The following ADAM12 variants were observed in gnomAD, a reference collection of about 807,000 sequenced individuals.
ADAM12 encodes the protein ADAM metallopeptidase domain 12.
In ADAM12, 70 loss-of-function variants were observed where a neutral mutation model predicts 106.4. That is an observed-to-expected ratio of 0.66 (90% CI 0.54 to 0.80). The LOEUF is 0.80. Among genes scored for constraint, ADAM12 ranks in the 30% least tolerant of loss-of-function variants. The pLI is 0.00. For synonymous variants in ADAM12, 420 were observed against 433.5 expected, an observed-to-expected ratio of 0.97 and a Z score of 0.39; for missense variants, 1,010 against 1,171.9, an observed-to-expected ratio of 0.86 and a Z score of 2.02.
chr10:126,178,290 G>C (rs7912406), intron 3 of ADAM12, among the ~76,000 whole-genome samples: 3,221 of 151,704 alleles, frequency 0.021, 124 homozygotes, highest in African/African-American at 0.074. Context: ...TGTTCTTCAA[G>C]TCACATTTTT....
intron 8 of ADAM12, among the ~76,000 whole-genome samples, chr10:126,103,593 A>G (rs1275457201): frequency 6.6e-6 from 1 of 152,232 alleles, no homozygotes; most frequent in Admixed American, 6.5e-5. Context: ...CAGGCCAGCT[A>G]ACCCTGACGC....
chr10:126,320,681 CT>C (rs2133833652), intron 2 of ADAM12, among the ~76,000 whole-genome samples: 1 of 152,294 alleles, frequency 6.6e-6, no homozygotes, highest in Non-Finnish European at 1.5e-5. Flanking sequence ...CATTAAATCT[CT>C]TGGGAAGATA....
chr10:126,366,832 A>G (rs1855929657), intron 1 of ADAM12, among the ~76,000 whole-genome samples: 1 of 152,182 alleles, frequency 6.6e-6, no homozygotes, highest in South Asian at 2.1e-4. Flanking sequence ...ACCAGAGATA[A>G]AGAGGAAATT....
chr10:126,208,999 T>A (rs1042150120), intron 3 of ADAM12, among the ~76,000 whole-genome samples: 2 of 152,210 alleles, frequency 1.3e-5, no homozygotes, highest in Non-Finnish European at 2.9e-5. Flanking sequence ...AGACATCTCT[T>A]TTCAGAATTA....
chr10:126,310,811 T>A (rs1297329646), intron 2 of ADAM12, among the ~76,000 whole-genome samples: 1 of 152,278 alleles, frequency 6.6e-6, no homozygotes, highest in African/African-American at 2.4e-5. Flanking sequence ...ACAGGGAAAT[T>A]ATTAACATAG....
At chr10:126,350,796 C>T (rs372185221) in intron 1 of ADAM12, among the ~76,000 whole-genome samples, 30 of 152,244 alleles carry the variant, frequency 2.0e-4, no homozygotes, top group Middle Eastern at 3.4e-3. Context: ...CCTTGGAGGC[C>T]GGGCACCTGG....
chr10:126,256,404 T>C (rs1958893222), intron 3 of ADAM12, among the ~76,000 whole-genome samples: 1 of 152,174 alleles, frequency 6.6e-6, no homozygotes, highest in Admixed American at 6.5e-5. Context: ...TGTCTAAACC[T>C]CCCTGCTCTT....
intron 4 of ADAM12, among the ~76,000 whole-genome samples, chr10:126,153,562 AT>A (rs535173416): frequency 2.0e-5 from 3 of 151,450 alleles, no homozygotes; most frequent in East Asian, 1.9e-4. Context: ...GTTCTCTTTA[AT>A]TTTTTTTCTC....
chr10:126,247,849 A>G (rs1419259186), intron 3 of ADAM12, among the ~76,000 whole-genome samples: 2 of 152,206 alleles, frequency 1.3e-5, no homozygotes, highest in Non-Finnish European at 2.9e-5. Flanking sequence ...GCCACTCACT[A>G]AAACGCCAAG....
At chr10:126,086,680 A>AAATATATAT (rs1554966976) in intron 11 of ADAM12, among the ~76,000 whole-genome samples, 1 of 24,276 alleles carries the variant, frequency 4.1e-5, no homozygotes, top group Non-Finnish European at 5.9e-5. Context: ...AAAAAAAAAA[A>AAATATATAT]ATATATATAT....
chr10:126,338,428 A>AT (rs1245373410), intron 1 of ADAM12, among the ~76,000 whole-genome samples: 1 of 150,632 alleles, frequency 6.6e-6, no homozygotes, highest in Non-Finnish European at 1.5e-5. Context: ...AATTTTTTGT[A>AT]TTTTTAGTAG....
chr10:126,381,757 C>T (rs1364065801), intron 1 of ADAM12, among the ~76,000 whole-genome samples: 4 of 152,030 alleles, frequency 2.6e-5, no homozygotes, highest in Non-Finnish European at 4.4e-5. Flanking sequence ...CTGCTTCGGC[C>T]TCCCAAAGTG....
intron 21 of ADAM12, among the ~76,000 whole-genome samples, chr10:126,025,625 G>A (rs370233575): frequency 9.9e-5 from 15 of 151,922 alleles, no homozygotes; most frequent in East Asian, 5.8e-4. Flanking sequence ...GCAGCCTTAC[G>A]GAAGAGTGGC....
chr10:126,124,580 A>AT (rs1295189803), intron 5 of ADAM12, among the ~76,000 whole-genome samples: 3 of 152,118 alleles, frequency 2.0e-5, no homozygotes, highest in African/African-American at 7.2e-5. Flanking sequence ...TTAAACTGTG[A>AT]TAAAACACAT....
chr10:126,086,680 AAT>A (rs1210379675), intron 11 of ADAM12, among the ~76,000 whole-genome samples: 682 of 24,242 alleles, frequency 0.028, 10 homozygotes, highest in East Asian at 0.036. Flanking sequence ...AAAAAAAAAA[AAT>A]ATATATATAT....
intron 3 of ADAM12, among the ~76,000 whole-genome samples, chr10:126,245,987 G>A (rs936480856): frequency 1.3e-5 from 2 of 152,118 alleles, no homozygotes; most frequent in African/African-American, 4.8e-5. Flanking sequence ...TAGAAAGACA[G>A]AGAAAATAGT....
At chr10:126,030,111 A>T (rs911022847) in intron 21 of ADAM12, among the ~76,000 whole-genome samples, 5 of 152,248 alleles carry the variant, frequency 3.3e-5, no homozygotes, top group African/African-American at 1.2e-4. Context: ...ACAAATAATG[A>T]TGTAGCCAGT....
chr10:126,039,541 G>A, intron 18 of ADAM12, 112 bp from the exon 19 acceptor site: 9 of 1,317,724 alleles, frequency 6.8e-6, no homozygotes, highest in Non-Finnish European at 9.6e-6. Context: ...GAAATGAAGA[G>A]AGTACACCCG....
chr10:126,223,083 T>C (rs1958126021), intron 3 of ADAM12, among the ~76,000 whole-genome samples: 1 of 152,212 alleles, frequency 6.6e-6, no homozygotes, highest in South Asian at 2.1e-4. Context: ...TGAAAAATAG[T>C]CTTCATTTTG....
Sources: allele counts gnomAD v4.1 joint callset (sites outside exome capture counted in the v4.1 genomes callset), GRCh38; gene constraint gnomAD v4.1.1; transcripts MANE v1.5; gene names NCBI Gene and HGNC (gene_info 2026-07-23, HGNC 2026-07-21).